Variants in PRDM6 observed in about 807,000 individuals in gnomAD.
The protein encoded by PRDM6 is putative histone-lysine N-methyltransferase PRDM6.
PRDM6 carries 25 observed loss-of-function variants against 60.8 expected under a neutral mutation model. The observed-to-expected ratio is 0.41, with a 90% CI of 0.30 to 0.57. The LOEUF is 0.57. PRDM6 is among the 20% of genes least tolerant of loss of function. The probability of loss-of-function intolerance (pLI) is 0.27; values close to 1 mark genes in which losing one functional copy is unlikely to be tolerated. For synonymous variants in PRDM6, 407 were observed against 357.4 expected, an observed-to-expected ratio of 1.14 and a Z score of -1.57; for missense variants, 839 against 821.3, an observed-to-expected ratio of 1.02 and a Z score of -0.26.
chr5:123,104,993 T>C lies in PRDM6; in HGVS notation c.900+5032T>C, dbSNP rs575778155. ...AGAATAATTCTGCTTTAAAAAAAAA[T>C]TATAACAGCCATTTGGACATTCTCA... On this transcript the variant is annotated intron_variant, in intron 3 of 7. Transcript: ENST00000407847. 2.4e-3 allele frequency among the ~76,000 whole-genome samples: 365 copies of C among 151,634 alleles called. 2 individuals carry two copies. Among genetic ancestry groups the C allele is most frequent in the South Asian group, 5.2e-3 (25 of 4,792 alleles).
At chr5:123,142,296 T>G (rs1268274230) in intron 3 of PRDM6, among the ~76,000 whole-genome samples, 1 of 74,646 alleles carries the variant, frequency 1.3e-5, no homozygotes, top group Non-Finnish European at 3.2e-5. Flanking sequence ...ATCATCTTAT[T>G]TAAAGCCCAT....
At chr5:123,181,825 A>G (rs943288952) in intron 7 of PRDM6, among the ~76,000 whole-genome samples, 1 of 152,034 alleles carries the variant, frequency 6.6e-6, no homozygotes. Flanking sequence ...CTTGGGAAAC[A>G]GAGTTCTCTG....
In PRDM6 at chr5:123,099,607, G is replaced by T; in HGVS notation, c.593-47G>T. 7.1e-7 allele frequency: 1 copy of T among 1,413,256 alleles called. No individual in the cohort carries two copies. The highest frequency in any genetic ancestry group is 3.1e-5 in the Admixed American group (1 of 32,622). The allele number at this position is 1,413,256 out of a possible 1,614,324, so 87.5% of individuals were successfully genotyped here. A position where few individuals can be genotyped will look rare whatever the true frequency, so the allele number is the denominator to read the frequency against. ...ACTCAAAGATGGGCCGCTCGGGGCG[G>T]CCGGATTAACCCGCTCCCTTCCCTT... On this transcript the variant is annotated intron_variant, in intron 2 of 7. Coordinates refer to ENST00000407847, the MANE Select transcript of PRDM6 (RefSeq NM_001136239.4). This position sits in a 1 kb window ranked among gnomAD's most constrained non-coding sequence, Gnocchi z 4.0.
intron 3 of PRDM6, among the ~76,000 whole-genome samples, chr5:123,133,797 A>T (rs1441405953): frequency 6.6e-6 from 1 of 151,158 alleles, no homozygotes; most frequent in Non-Finnish European, 1.5e-5. Flanking sequence ...AGTTCAGTTG[A>T]TTTGAAACAA....
At chr5:123,121,569 A>T (rs945659801) in intron 3 of PRDM6, among the ~76,000 whole-genome samples, 1 of 152,086 alleles carries the variant, frequency 6.6e-6, no homozygotes, top group South Asian at 2.1e-4. Context: ...GGACTATGTA[A>T]ATGTAAATCC....
At chr5:123,184,807 A>G (rs534463431) in intron 7 of PRDM6, among the ~76,000 whole-genome samples, 3 of 152,176 alleles carry the variant, frequency 2.0e-5, no homozygotes, top group African/African-American at 2.4e-5. Context: ...TACTTCCTCA[A>G]ATATATAAAT....
At chr5:123,122,803 A>G (rs1385342226) in intron 3 of PRDM6, among the ~76,000 whole-genome samples, 2 of 152,174 alleles carry the variant, frequency 1.3e-5, no homozygotes, top group Non-Finnish European at 2.9e-5. Context: ...AAAAAAGTTT[A>G]AAATCCGACT....
intron 3 of PRDM6, among the ~76,000 whole-genome samples, chr5:123,151,781 C>G (rs1351331595): frequency 6.6e-6 from 1 of 152,010 alleles, no homozygotes; most frequent in Non-Finnish European, 1.5e-5. Context: ...CCCAGCTCAC[C>G]TTGGGCCCCT....
rs373459423 is a variant in PRDM6, at chr5:123,097,192, C to A, written c.593-2462C>A. On this transcript the variant is annotated intron_variant, in intron 2 of 7. Coordinates refer to ENST00000407847, the MANE Select transcript of PRDM6 (RefSeq NM_001136239.4). ...TAACATTCAAAATTATAGACATTATCTATGTATTTTCCTATCCAATCTCTT... is the reference window on the plus strand; with the variant it reads ...TAACATTCAAAATTATAGACATTATATATGTATTTTCCTATCCAATCTCTT... 3.3e-5 allele frequency among the ~76,000 whole-genome samples: 5 copies of A among 152,198 alleles called. No homozygotes were observed. In the South Asian group the frequency reaches 8.3e-4, roughly 25 times the overall value.
At chr5:123,161,911 C>T (rs1460443208) in intron 5 of PRDM6, among the ~76,000 whole-genome samples, 1 of 152,162 alleles carries the variant, frequency 6.6e-6, no homozygotes, top group Non-Finnish European at 1.5e-5. Context: ...CAGCTAGAGG[C>T]TCTTGCAGAA....
chr5:123,153,586 G>A (rs971812019), intron 3 of PRDM6, among the ~76,000 whole-genome samples: 1 of 152,174 alleles, frequency 6.6e-6, no homozygotes, highest in Non-Finnish European at 1.5e-5. Context: ...GCTACATTGT[G>A]TGATATTTGG....
intron 3 of PRDM6, among the ~76,000 whole-genome samples, chr5:123,107,321 G>A (rs141034295): frequency 6.6e-6 from 1 of 152,306 alleles, no homozygotes; most frequent in Admixed American, 6.5e-5. Context: ...CAGATATATT[G>A]TGGAATCACT....
At chr5:123,122,077 C>T (rs1326901779) in intron 3 of PRDM6, among the ~76,000 whole-genome samples, 1 of 138,862 alleles carries the variant, frequency 7.2e-6, no homozygotes, top group African/African-American at 2.7e-5. Context: ...GCAGAAGAAT[C>T]GTGTGAACCT....
Position 123,127,344 on chromosome 5 carries a change from C to T in PRDM6, c.900+27383C>T, listed in dbSNP as rs1400214009. ...TGAGCCACCGTGCCTGGCCCCAACACTTACTTTGTTTTACTCCTATTTACT... is the reference window on the plus strand; with the variant it reads ...TGAGCCACCGTGCCTGGCCCCAACATTTACTTTGTTTTACTCCTATTTACT... On this transcript the variant is annotated intron_variant, in intron 3 of 7. Coordinates refer to ENST00000407847, the MANE Select transcript of PRDM6 (RefSeq NM_001136239.4). Among the ~76,000 whole-genome samples the T allele has an allele frequency of 2.6e-5, 4 of 152,158 alleles. No homozygotes were observed. The East Asian group carries it at 7.7e-4, about 29-fold the overall frequency.
chr5:123,132,534 A>G lies in PRDM6; in HGVS notation c.901-23350A>G, dbSNP rs529253805. ...ACAAGAGCAGGTATATCATCCCCAT[A>G]TCTCTGGTGAAGCACTCTCCAAGTG... On this transcript the variant is annotated intron_variant, in intron 3 of 7. Coordinates refer to ENST00000407847, the MANE Select transcript of PRDM6 (RefSeq NM_001136239.4). Among the ~76,000 whole-genome samples, 33 of 152,216 alleles carry G rather than the reference A, an allele frequency of 2.2e-4. No individual in the cohort carries two copies. The South Asian group carries it at 6.6e-3, about 31-fold the overall frequency.
At chr5:123,090,756 C>T in intron 2 of PRDM6, 150 bp downstream of exon 2, 1 of 644,458 alleles carries the variant, frequency 1.6e-6, no homozygotes, top group East Asian at 3.4e-5. Context: ...CCCGCGCCTC[C>T]CCGATCTCTG....
intron 5 of PRDM6, among the ~76,000 whole-genome samples, chr5:123,161,513 G>A (rs1765630586): frequency 1.3e-5 from 2 of 152,182 alleles, no homozygotes; most frequent in African/African-American, 4.8e-5. Flanking sequence ...CACTGGGAAG[G>A]TGGCCTTTGG....
chr5:123,170,494 T>C lies in PRDM6; in HGVS notation c.1154-272T>C, dbSNP rs536621438. ...GTGTGGTGCTCACTATGGACTCCTG[T>C]ATGTCTGAAGTCATAAGTGAACTCC... On this transcript the variant is annotated intron_variant, in intron 5 of 7. Transcript: ENST00000407847. Among the ~76,000 whole-genome samples, 17 of 152,290 alleles carry C rather than the reference T, an allele frequency of 1.1e-4. No individual in the cohort carries two copies. In the South Asian group the frequency reaches 1.4e-3, roughly 13 times the overall value.
At chr5:123,112,197 A>T (rs976214378) in intron 3 of PRDM6, among the ~76,000 whole-genome samples, 1 of 151,770 alleles carries the variant, frequency 6.6e-6, no homozygotes, top group Admixed American at 6.5e-5. Context: ...TTGGCAGTGT[A>T]CAAAGGGCCT....
Sources: allele counts gnomAD v4.1 joint callset (sites outside exome capture counted in the v4.1 genomes callset), GRCh38; gene constraint gnomAD v4.1.1; non-coding constraint Gnocchi (gnomAD v3.1); transcripts MANE v1.5; gene names NCBI Gene and HGNC (gene_info 2026-07-23, HGNC 2026-07-21).